Variants in FER observed in about 807,000 individuals in gnomAD.
The protein encoded by FER is FER tyrosine kinase, also known as tyrosine-protein kinase Fer.
FER carries 63 observed loss-of-function variants against 111.0 expected under a neutral mutation model. The observed-to-expected ratio is 0.57, with a 90% CI of 0.46 to 0.70. The LOEUF is 0.70. Among genes scored for constraint, FER ranks in the 30% least tolerant of loss-of-function variants. The pLI, the probability that FER is intolerant of heterozygous loss-of-function variation, is 0.00. For synonymous variants in FER, 327 were observed against 313.9 expected, an observed-to-expected ratio of 1.04 and a Z score of -0.44; for missense variants, 914 against 954.0, an observed-to-expected ratio of 0.96 and a Z score of 0.55.
At chr5:109,125,045 C>CA (rs373849561) in intron 17 of FER, among the ~76,000 whole-genome samples, 4,398 of 75,164 alleles carry the variant, frequency 0.059, 186 homozygotes, top group African/African-American at 0.13. Context: ...GACTCTGTCT[C>CA]AAAAAAAAAA....
At position 109,142,783 on chromosome 5, in the gene FER, G is replaced by A. The variant is rs193208743; in HGVS notation, c.2049-37964G>A. 3.3e-5 allele frequency among the ~76,000 whole-genome samples: 5 copies of A among 152,242 alleles called. No individual in the cohort carries two copies. In the East Asian group the frequency reaches 9.7e-4, roughly 29 times the overall value. On this transcript the variant is annotated intron_variant, in intron 17 of 19. Coordinates refer to ENST00000281092, the MANE Select transcript of FER (RefSeq NM_005246.4). Reference sequence around the variant, plus strand: ...AAATGGAAACAGCAGACCTCTCAGTGACAAGTCAGTATATATTTTAGCATT... The same window carrying A: ...AAATGGAAACAGCAGACCTCTCAGTAACAAGTCAGTATATATTTTAGCATT...
At chr5:109,036,516 T>G (rs1358660181) in intron 13 of FER, among the ~76,000 whole-genome samples, 2 of 151,990 alleles carry the variant, frequency 1.3e-5, no homozygotes, top group Admixed American at 1.3e-4. Context: ...CATTTCCATC[T>G]GTCTTTGTAA....
chr5:109,191,647 T>C lies in FER; in HGVS notation c.*4072T>C, dbSNP rs956684563. The stretch of plus-strand genomic sequence containing the variant: ...ATGAGTTTATATTACATTTCCATTA[T>C]ACTAAGTCAGTGTGAAAGTTTACCA... On this transcript the variant is annotated 3_prime_UTR_variant, in exon 20 of 20. Transcript: ENST00000281092. The C allele has an allele frequency of 6.6e-6, 1 of 152,198 alleles. No individual in the cohort carries two copies. Among genetic ancestry groups the C allele is most frequent in the Admixed American group, 6.6e-5 (1 of 15,266 alleles). 9.4% of individuals were successfully genotyped at this position (152,198 alleles called of 1,614,324 possible).
chr5:109,168,147 C>T (rs1756746247), intron 17 of FER, among the ~76,000 whole-genome samples: 1 of 152,108 alleles, frequency 6.6e-6, no homozygotes, highest in African/African-American at 2.4e-5. Context: ...GTATTAATGA[C>T]TAAATGAATT....
chr5:109,082,485 G>A (rs75958316), intron 16 of FER, among the ~76,000 whole-genome samples: 16,321 of 152,060 alleles, frequency 0.11, 899 homozygotes, highest in Non-Finnish European at 0.13. Flanking sequence ...CTTATAGTAC[G>A]TTGTTGGGAA....
At position 108,896,947 on chromosome 5, in the gene FER, A is replaced by G. The variant is rs190481260; in HGVS notation, c.1047-712A>G. 3.4e-3 allele frequency among the ~76,000 whole-genome samples: 524 copies of G among 152,282 alleles called. 3 individuals are homozygous for G. The highest frequency in any genetic ancestry group is 0.011 in the African/African-American group (476 of 41,556). ...ATTTCCAGAAGTATCTACCACCACT[A>G]CCTGTTTACACGTGGCTTCAATGTG... On this transcript the variant is annotated intron_variant, in intron 9 of 19. Coordinates refer to ENST00000281092, the MANE Select transcript of FER (RefSeq NM_005246.4).
At chr5:108,943,392 A>G (rs1431018618) in intron 10 of FER, among the ~76,000 whole-genome samples, 1 of 152,210 alleles carries the variant, frequency 6.6e-6, no homozygotes, top group African/African-American at 2.4e-5. Flanking sequence ...TCTGACTTCA[A>G]GAACCTTATT....
At chr5:109,119,336 T>G (rs1750671029) in intron 17 of FER, among the ~76,000 whole-genome samples, 2 of 152,224 alleles carry the variant, frequency 1.3e-5, no homozygotes, top group Admixed American at 1.3e-4. Flanking sequence ...AGTTTCTTAA[T>G]CCTGAGTTCT....
intron 13 of FER, among the ~76,000 whole-genome samples, chr5:109,011,015 C>T (rs906032721): frequency 1.3e-5 from 2 of 152,128 alleles, no homozygotes; most frequent in Admixed American, 6.5e-5. Flanking sequence ...CTCAGATGTA[C>T]ACAGTATTAA....
At chr5:109,004,645 A>G (rs915541292) in intron 13 of FER, among the ~76,000 whole-genome samples, 4 of 152,194 alleles carry the variant, frequency 2.6e-5, no homozygotes, top group African/African-American at 7.2e-5. Flanking sequence ...ATGATTACAA[A>G]TTTATTTTAA....
chr5:109,116,159 T>A (rs1750205196), intron 17 of FER, among the ~76,000 whole-genome samples: 1 of 152,068 alleles, frequency 6.6e-6, no homozygotes, highest in South Asian at 2.1e-4. Context: ...TTGGCCACCT[T>A]GCTCTAATGG....
At chr5:108,877,287 A>G (rs1403744803) in intron 8 of FER, among the ~76,000 whole-genome samples, 1 of 152,182 alleles carries the variant, frequency 6.6e-6, no homozygotes, top group Non-Finnish European at 1.5e-5. Context: ...GGAATACTTT[A>G]AGAGTGAGTT....
rs1759704515 is a variant in FER, at chr5:109,195,777, G to C, written c.*8202G>C. On this transcript the variant is annotated 3_prime_UTR_variant, in exon 20 of 20. Coordinates refer to ENST00000281092, the MANE Select transcript of FER (RefSeq NM_005246.4). ...ATTTCTGTTCATCATTCTTTACAGA[G>C]CATTGAGGTTTCCCACTGAAACAGC... is the stretch of plus-strand genomic sequence containing the variant. 1 of 152,290 alleles carries C rather than the reference G, an allele frequency of 6.6e-6. No homozygotes were observed. Among genetic ancestry groups the C allele is most frequent in the East Asian group, 1.9e-4 (1 of 5,192 alleles). The allele number at this position is 152,290 out of a possible 1,614,324, so 9.4% of individuals were successfully genotyped here.
chr5:109,095,403 T>G (rs1240351525), intron 16 of FER, among the ~76,000 whole-genome samples: 2 of 152,076 alleles, frequency 1.3e-5, no homozygotes, highest in Non-Finnish European at 2.9e-5. Context: ...TGTTTCAGTT[T>G]GTTTCTATGG....
At chr5:108,845,848 C>G (rs553352143) in intron 5 of FER, among the ~76,000 whole-genome samples, 11 of 152,244 alleles carry the variant, frequency 7.2e-5, no homozygotes, top group Middle Eastern at 3.4e-3. Flanking sequence ...AATGCTCTTT[C>G]TGCATCTATT....
intron 17 of FER, among the ~76,000 whole-genome samples, chr5:109,157,159 G>C (rs1755485922): frequency 6.6e-6 from 1 of 151,968 alleles, no homozygotes; most frequent in South Asian, 2.1e-4. Flanking sequence ...CTCTCCAAAA[G>C]TCAATCAGAA....
chr5:108,885,682 G>C (rs1474176957), intron 9 of FER, among the ~76,000 whole-genome samples: 1 of 151,702 alleles, frequency 6.6e-6, no homozygotes, highest in Non-Finnish European at 1.5e-5. Context: ...CTACCTTCAT[G>C]ACTTAATTAC....
chr5:109,091,250 T>C (rs1249058584), intron 16 of FER, among the ~76,000 whole-genome samples: 2 of 152,166 alleles, frequency 1.3e-5, no homozygotes, highest in East Asian at 1.9e-4. Flanking sequence ...GGGGAACCCA[T>C]TGGACCTTGG....
At chr5:109,001,626 T>C (rs1438224160) in intron 13 of FER, among the ~76,000 whole-genome samples, 3 of 152,156 alleles carry the variant, frequency 2.0e-5, no homozygotes, top group Non-Finnish European at 2.9e-5. Flanking sequence ...GTTGGAAGTT[T>C]TGGCCAGGGC....
Sources: gnomAD v4.1 joint callset for allele counts (sites outside exome capture counted in the v4.1 genomes callset) on GRCh38, gnomAD v4.1.1 for gene constraint, MANE v1.5 for transcripts, NCBI Gene and HGNC (gene_info 2026-07-23, HGNC 2026-07-21) for gene names.